The following GRIK2 variants were observed in gnomAD, a reference collection of about 807,000 sequenced individuals.
The protein encoded by GRIK2 is glutamate ionotropic receptor kainate type subunit 2.
GRIK2 carries 32 observed loss-of-function variants against 100.3 expected under a neutral mutation model. The ratio of observed to expected loss-of-function variants is 0.32; its 90% CI spans 0.24 to 0.43. The LOEUF (loss-of-function observed/expected upper bound fraction) is 0.43. Among genes scored for constraint, GRIK2 ranks in the 20% least tolerant of loss-of-function variants. GRIK2 has a pLI of 1.00. For missense variants in GRIK2, 843 were observed against 1,114.9 expected (o/e 0.76, Z 3.47); for synonymous variants, 417 against 389.4 (o/e 1.07, Z -0.83).
At chr6:101,596,227 T>C (rs982301617) in intron 2 of GRIK2, among the ~76,000 whole-genome samples, 2 of 149,730 alleles carry the variant, frequency 1.3e-5, no homozygotes, top group African/African-American at 4.9e-5. Context: ...TCTTGCTGTG[T>C]CCTTTTTTTT....
intron 7 of GRIK2, among the ~76,000 whole-genome samples, chr6:101,699,820 A>G (rs1027839321): frequency 6.6e-6 from 1 of 152,078 alleles, no homozygotes; most frequent in Non-Finnish European, 1.5e-5. Context: ...TTAAAAGAAA[A>G]AAGTCACTAA....
chr6:101,925,802 ATGT>A (rs754283231), intron 13 of GRIK2, among the ~76,000 whole-genome samples: 23 of 152,026 alleles, frequency 1.5e-4, no homozygotes, highest in South Asian at 6.2e-4. Context: ...TTGTTATAAA[ATGT>A]TGTTTCTAAA....
intron 2 of GRIK2, among the ~76,000 whole-genome samples, chr6:101,558,523 A>G (rs550083783): frequency 1.3e-5 from 2 of 152,248 alleles, no homozygotes; most frequent in East Asian, 3.9e-4. Context: ...ATTGGGAACA[A>G]GTACAGCGTG....
At chr6:101,941,847 AG>A (rs1790974309) in intron 14 of GRIK2, among the ~76,000 whole-genome samples, 1 of 152,152 alleles carries the variant, frequency 6.6e-6, no homozygotes, top group Non-Finnish European at 1.5e-5. Flanking sequence ...ATGGCAAACC[AG>A]TGCCTTTTTT....
At chr6:101,873,136 T>G (rs1323196377) in intron 11 of GRIK2, among the ~76,000 whole-genome samples, 1 of 152,108 alleles carries the variant, frequency 6.6e-6, no homozygotes, top group Non-Finnish European at 1.5e-5. Context: ...AGGGTACATG[T>G]GCACAACGTG....
chr6:101,622,803 T>G (rs1343718597), intron 3 of GRIK2, among the ~76,000 whole-genome samples: 1 of 151,880 alleles, frequency 6.6e-6, no homozygotes, highest in Non-Finnish European at 1.5e-5. Flanking sequence ...GAATAAAAAT[T>G]TAATATTTAT....
chr6:101,869,541 A>C (rs1785258675), intron 11 of GRIK2, among the ~76,000 whole-genome samples: 2 of 151,836 alleles, frequency 1.3e-5, no homozygotes, highest in South Asian at 4.1e-4. Flanking sequence ...TTTTATTATG[A>C]TAGTCATCTG....
At chr6:101,707,606 G>GTATATATATATA (rs201561174) in intron 7 of GRIK2, among the ~76,000 whole-genome samples, 1 of 122,944 alleles carries the variant, frequency 8.1e-6, no homozygotes, top group East Asian at 2.5e-4. Context: ...ATATATGTGT[G>GTATATATATATA]TATATATATA....
intron 2 of GRIK2, among the ~76,000 whole-genome samples, chr6:101,523,984 A>T (rs1263191928): frequency 6.6e-6 from 1 of 152,196 alleles, no homozygotes; most frequent in African/African-American, 2.4e-5. Context: ...GGCCTCCCAC[A>T]GTGCTGGGAT....
intron 2 of GRIK2, among the ~76,000 whole-genome samples, chr6:101,407,955 C>T (rs1246127426): frequency 6.6e-6 from 1 of 152,046 alleles, no homozygotes; most frequent in Non-Finnish European, 1.5e-5. Flanking sequence ...GGAAATGTAT[C>T]ATTGGTGGAA....
intron 2 of GRIK2, among the ~76,000 whole-genome samples, chr6:101,539,754 G>A (rs1775894757): frequency 1.3e-5 from 2 of 151,464 alleles, no homozygotes; most frequent in South Asian, 4.2e-4. Context: ...AGTCATGTTC[G>A]TACATGAAAA....
intron 4 of GRIK2, among the ~76,000 whole-genome samples, chr6:101,674,123 C>T (rs541080129): frequency 6.6e-6 from 1 of 152,216 alleles, no homozygotes; most frequent in African/African-American, 2.4e-5. Context: ...AATATAGTTA[C>T]TATCCTGTAT....
intron 15 of GRIK2, among the ~76,000 whole-genome samples, chr6:102,040,506 A>G (rs1770507072): frequency 6.6e-6 from 1 of 151,618 alleles, no homozygotes. Flanking sequence ...TGACATATAA[A>G]CAAAATGAAA....
At chr6:101,800,737 T>TA (rs1780617308) in intron 8 of GRIK2, among the ~76,000 whole-genome samples, 1 of 152,092 alleles carries the variant, frequency 6.6e-6, no homozygotes, top group Admixed American at 6.6e-5. Flanking sequence ...CCCCATATTC[T>TA]AACATTTACT....
At chr6:101,956,664 TAA>T (rs1290460343) in intron 14 of GRIK2, among the ~76,000 whole-genome samples, 1 of 151,864 alleles carries the variant, frequency 6.6e-6, no homozygotes, top group Non-Finnish European at 1.5e-5. Context: ...TTATTTCACT[TAA>T]GATACTGATC....
At chr6:101,961,927 C>T (rs1368207760) in intron 14 of GRIK2, among the ~76,000 whole-genome samples, 2 of 152,074 alleles carry the variant, frequency 1.3e-5, no homozygotes, top group Admixed American at 6.5e-5. Flanking sequence ...TGGTATGGCA[C>T]CTACTACCTC....
intron 2 of GRIK2, among the ~76,000 whole-genome samples, chr6:101,568,079 T>C (rs1777365258): frequency 6.6e-6 from 1 of 152,042 alleles, no homozygotes; most frequent in Admixed American, 6.6e-5. Context: ...ATATGTTGTT[T>C]ATCTTAGTAA....
At chr6:101,784,178 A>G (rs941333931) in intron 7 of GRIK2, among the ~76,000 whole-genome samples, 6 of 152,206 alleles carry the variant, frequency 3.9e-5, no homozygotes, top group African/African-American at 1.4e-4. Flanking sequence ...TCACAGGCCC[A>G]GAGGCCTAGG....
chr6:101,890,233 A>G (rs1313546668), intron 12 of GRIK2: 1 of 160,596 alleles, frequency 6.2e-6, no homozygotes, highest in African/African-American at 2.4e-5. Context: ...TTATAAGAAA[A>G]ACCAAAGTAC....
Sources: allele counts gnomAD v4.1 joint callset (sites outside exome capture counted in the v4.1 genomes callset), GRCh38; gene constraint gnomAD v4.1.1; transcripts MANE v1.5; gene names NCBI Gene and HGNC (gene_info 2026-07-23, HGNC 2026-07-21).